The following PLAGL1 variants were observed in gnomAD, a reference collection of about 807,000 sequenced individuals.
PLAGL1 encodes the protein zinc finger protein PLAGL1.
Under a neutral mutation model 4.6 loss-of-function variants are expected in PLAGL1, and 1 was observed. The observed-to-expected ratio is 0.22, with a 90% CI of 0.08 to 1.03. The LOEUF is 1.03. PLAGL1 is among the 50% of genes least tolerant of loss of function. PLAGL1 has a pLI of 0.58. For missense variants in PLAGL1, 464 were observed against 570.4 expected (o/e 0.81, Z 1.90); for synonymous variants, 240 against 237.8 (o/e 1.01, Z -0.08).
Position 144,027,933 on chromosome 6 carries a change from C to G in PLAGL1, c.-151+36535G>C, listed in dbSNP as rs764878825. On this transcript the variant is annotated intron_variant, in intron 1 of 3. Transcript: ENST00000437412. This position sits in a 1 kb window ranked among gnomAD's most constrained non-coding sequence, Gnocchi z 5.8. ...ATTTTGATATGAGAATAAACAGATG[C>G]CTGGCAGCATTTGTTTTTGAAAAGA... Among the ~76,000 whole-genome samples, 1 of 152,080 alleles carries G rather than the reference C, an allele frequency of 6.6e-6. No individual in the cohort carries two copies. The highest frequency in any genetic ancestry group is 1.5e-5 in the Non-Finnish European group (1 of 68,024).
intron 1 of PLAGL1, among the ~76,000 whole-genome samples, chr6:144,018,277 A>C (rs550301242): frequency 6.6e-6 from 1 of 152,354 alleles, no homozygotes; most frequent in South Asian, 2.1e-4. Flanking sequence ...TAAGTCAGAC[A>C]CAAAGACAAA....
At chr6:144,052,698 G>A (rs1305701289) in intron 1 of PLAGL1, among the ~76,000 whole-genome samples, 1 of 152,082 alleles carries the variant, frequency 6.6e-6, no homozygotes, top group South Asian at 2.1e-4. Context: ...TGCTGATTAA[G>A]CACTTTTCTC....
chr6:143,952,708 G>T lies in PLAGL1; in HGVS notation c.-324-4248C>A, dbSNP rs73781334. ...AGTGCTACATAACACATCATCTAAT[G>T]GGGCACAACTGCTTTACAACATTCT... On this transcript the variant is annotated intron_variant, in intron 6 of 7. Coordinates refer to ENST00000674357, the MANE Select transcript of PLAGL1 (RefSeq NM_001317162.2). The surrounding 1 kb of genome is among the most constrained non-coding windows in gnomAD (Gnocchi z 6.1). 0.012 allele frequency among the ~76,000 whole-genome samples: 1,783 copies of T among 152,250 alleles called. 25 individuals are homozygous for T. The highest frequency in any genetic ancestry group is 0.034 in the Middle Eastern group (10 of 294).
At chr6:144,026,905 TA>T (rs1796382460) in intron 1 of PLAGL1, among the ~76,000 whole-genome samples, 2 of 152,118 alleles carry the variant, frequency 1.3e-5, no homozygotes, top group African/African-American at 4.8e-5. Flanking sequence ...AGCTCATCAA[TA>T]AAACCTAGTA....
chr6:144,062,488 AAAAAAAAC>A (rs1562625447), intron 1 of PLAGL1, among the ~76,000 whole-genome samples: 1 of 150,984 alleles, frequency 6.6e-6, no homozygotes, highest in Non-Finnish European at 1.5e-5. Flanking sequence ...AAAAAAAAAA[AAAAAAAAC>A]ACAGATTTGA....
In PLAGL1 at chr6:143,994,027, T is replaced by A. The variant is rs929905236; in HGVS notation, c.-583-8853A>T. ...GGCAAATTCTCAAATGTTCACTTCATATATGGCTAAGGAAAAAAAAAAAAA... is the reference window on the plus strand; with the variant it reads ...GGCAAATTCTCAAATGTTCACTTCAAATATGGCTAAGGAAAAAAAAAAAAA... On this transcript the variant is annotated intron_variant, in intron 1 of 7. Coordinates refer to ENST00000674357, the MANE Select transcript of PLAGL1 (RefSeq NM_001317162.2). The surrounding 1 kb of genome is among the most constrained non-coding windows in gnomAD (Gnocchi z 4.3). 5.4e-5 allele frequency among the ~76,000 whole-genome samples: 8 copies of A among 149,160 alleles called. No homozygotes were observed. The highest frequency in any genetic ancestry group is 2.0e-4 in the African/African-American group (8 of 40,416).
chr6:143,958,771 G>A lies in PLAGL1; in HGVS notation c.-325+1698C>T, dbSNP rs1354828035. Among the ~76,000 whole-genome samples, 3 of 152,130 alleles carry A rather than the reference G, an allele frequency of 2.0e-5. No individual in the cohort carries two copies. The highest frequency in any genetic ancestry group is 1.3e-4 in the Admixed American group (2 of 15,266). The stretch of plus-strand genomic sequence containing the variant: ...TCAGGTTTCCATTTTAAAAGAAAAT[G>A]GCACTGAAGAGACAAGGCAAGTTTT... On this transcript the variant is annotated intron_variant, in intron 6 of 7. Coordinates refer to ENST00000674357, the MANE Select transcript of PLAGL1 (RefSeq NM_001317162.2). The surrounding 1 kb of genome is among the most constrained non-coding windows in gnomAD (Gnocchi z 5.1).
chr6:144,040,675 G>A (rs530005781), intron 1 of PLAGL1, among the ~76,000 whole-genome samples: 1 of 152,208 alleles, frequency 6.6e-6, no homozygotes, highest in Non-Finnish European at 1.5e-5. Flanking sequence ...CCAGGAGTTC[G>A]AGACCAGTCT....
chr6:143,978,301 T>C lies in PLAGL1; in HGVS notation c.-544+6834A>G, dbSNP rs544903789. ...ATTTTAGGTTCTTTTTCTTTTCTAA[T>C]ACATCATTTAATGCTACAAATTTTG... On this transcript the variant is annotated intron_variant, in intron 2 of 7. Coordinates refer to ENST00000674357, the MANE Select transcript of PLAGL1 (RefSeq NM_001317162.2). The surrounding 1 kb of genome is among the most constrained non-coding windows in gnomAD (Gnocchi z 4.6). 6.6e-6 allele frequency among the ~76,000 whole-genome samples: 1 copy of C among 152,196 alleles called. No homozygotes were observed. Among genetic ancestry groups the C allele is most frequent in the Non-Finnish European group, 1.5e-5 (1 of 68,030 alleles).
At position 144,030,281 on chromosome 6, in the gene PLAGL1, A is replaced by AAAAAAG. The variant is rs1296064916; in HGVS notation, c.-151+34186_-151+34187insCTTTTT. On this transcript the variant is annotated intron_variant, in intron 1 of 3. Coordinates refer to the PLAGL1 transcript ENST00000437412. ...AAAAAAAAAAAAAAAAAAAAAAAAA[A>AAAAAAG]AAGAAGATGTAAATTTTAATACAAT... Among the ~76,000 whole-genome samples the AAAAAAG allele has an allele frequency of 7.4e-3, 978 of 132,830 alleles. 87 individuals are homozygous for AAAAAAG. The highest frequency in any genetic ancestry group is 0.028 in the African/African-American group (880 of 31,526). The allele number at this position is 132,830 out of a possible 152,430, so 87.1% of individuals were successfully genotyped here.
Position 143,965,917 on chromosome 6 carries a change from A to G in PLAGL1, c.-431+241T>C, listed in dbSNP as rs1011960148. The stretch of plus-strand genomic sequence containing the variant: ...GGATAGGGTGGTTGCATGGGGAGGG[A>G]TGCTAGAGAATGGAGAACGAGTTCA... On this transcript the variant is annotated intron_variant, in intron 4 of 7. Coordinates refer to ENST00000674357, the MANE Select transcript of PLAGL1 (RefSeq NM_001317162.2). The surrounding 1 kb of genome is among the most constrained non-coding windows in gnomAD (Gnocchi z 7.5). The G allele has an allele frequency of 3.9e-5, 6 of 152,300 alleles. No individual in the cohort carries two copies. The highest frequency in any genetic ancestry group is 1.4e-4 in the African/African-American group (6 of 41,540). The allele number at this position is 152,300 out of a possible 1,614,324, so 9.4% of individuals were successfully genotyped here.
Position 143,946,995 on chromosome 6 carries a change from G to A in PLAGL1, c.152+990C>T, listed in dbSNP as rs78089651. On this transcript the variant is annotated intron_variant, in intron 7 of 7. Coordinates refer to ENST00000674357, the MANE Select transcript of PLAGL1 (RefSeq NM_001317162.2). ...TGTGATATTAAAAAGATCCACTGGC[G>A]GCAGAAACGATATCTAATGTATTCA... 5.9e-3 allele frequency among the ~76,000 whole-genome samples: 902 copies of A among 152,246 alleles called. 8 individuals carry two copies. Among genetic ancestry groups the A allele is most frequent in the East Asian group, 0.014 (73 of 5,182 alleles).
At chr6:144,018,593 A>G (rs1388759795) in intron 1 of PLAGL1, among the ~76,000 whole-genome samples, 1 of 152,256 alleles carries the variant, frequency 6.6e-6, no homozygotes, top group Non-Finnish European at 1.5e-5. Context: ...GCCATTTGGC[A>G]AGGCATACAA....
Position 143,994,046 on chromosome 6 carries a change from A to T in PLAGL1, c.-583-8872T>A, listed in dbSNP as rs1791127646. The stretch of plus-strand genomic sequence containing the variant: ...ACTTCATATATGGCTAAGGAAAAAA[A>T]AAAAAAGAAAAGAACTCCCTAGGGG... On this transcript the variant is annotated intron_variant, in intron 1 of 7. Coordinates refer to ENST00000674357, the MANE Select transcript of PLAGL1 (RefSeq NM_001317162.2). The surrounding 1 kb of genome is among the most constrained non-coding windows in gnomAD (Gnocchi z 4.3). 6.6e-6 allele frequency among the ~76,000 whole-genome samples: 1 copy of T among 152,028 alleles called. No homozygotes were observed. The highest frequency in any genetic ancestry group is 2.4e-5 in the African/African-American group (1 of 41,424).
Position 143,989,270 on chromosome 6 carries a change from T to A in PLAGL1, c.-583-4096A>T, listed in dbSNP as rs150677799. Among the ~76,000 whole-genome samples, 1 of 151,858 alleles carries A rather than the reference T, an allele frequency of 6.6e-6. No individual in the cohort carries two copies. The highest frequency in any genetic ancestry group is 1.9e-4 in the East Asian group (1 of 5,162). ...GAGATGAGTTCTCATCCCTGGAGAG[T>A]GTGATATGACAGTGAATTGTGTCAA... On this transcript the variant is annotated intron_variant, in intron 1 of 7. Coordinates refer to ENST00000674357, the MANE Select transcript of PLAGL1 (RefSeq NM_001317162.2). This position sits in a 1 kb window ranked among gnomAD's most constrained non-coding sequence, Gnocchi z 4.8.
chr6:144,057,280 G>A (rs922623505), intron 1 of PLAGL1, among the ~76,000 whole-genome samples: 10 of 152,200 alleles, frequency 6.6e-5, no homozygotes, highest in Admixed American at 6.5e-5. Flanking sequence ...ATTGCAAATC[G>A]TTAATAACCA....
Position 143,954,567 on chromosome 6 carries a change from T to C in PLAGL1, c.-325+5902A>G, listed in dbSNP as rs1406931496. Among the ~76,000 whole-genome samples the C allele has an allele frequency of 2.6e-5, 4 of 152,176 alleles. No individual in the cohort carries two copies. Among genetic ancestry groups the C allele is most frequent in the Non-Finnish European group, 2.9e-5 (2 of 68,038 alleles). On this transcript the variant is annotated intron_variant, in intron 6 of 7. Transcript: ENST00000674357. The surrounding 1 kb of genome is among the most constrained non-coding windows in gnomAD (Gnocchi z 5.1). ...AATATAATCCAGAGACTAACATTCA[T>C]TGACTAAATGGTTAAAATATGTATC...
In PLAGL1 at chr6:143,965,835, T is replaced by C. The variant is rs1036062502; in HGVS notation, c.-431+323A>G. ...CAGAAAGAGACCCCACCACTTAACATGGGCAAATACCTACAGGAGGCTACT... is the reference window on the plus strand; with the variant it reads ...CAGAAAGAGACCCCACCACTTAACACGGGCAAATACCTACAGGAGGCTACT... On this transcript the variant is annotated intron_variant, in intron 4 of 7. Coordinates refer to ENST00000674357, the MANE Select transcript of PLAGL1 (RefSeq NM_001317162.2). The surrounding 1 kb of genome is among the most constrained non-coding windows in gnomAD (Gnocchi z 7.5). 8 of 152,186 alleles carry C rather than the reference T, an allele frequency of 5.3e-5. No individual in the cohort carries two copies. Among genetic ancestry groups the C allele is most frequent in the Admixed American group, 4.6e-4 (7 of 15,282 alleles). The allele number at this position is 152,186 out of a possible 1,614,324, so 9.4% of individuals were successfully genotyped here. A position where few individuals can be genotyped will look rare whatever the true frequency, so the allele number is the denominator to read the frequency against.
intron 1 of PLAGL1, among the ~76,000 whole-genome samples, chr6:144,060,066 T>TTTTTTTTTTTTG (rs1562622602): frequency 4.6e-5 from 7 of 151,520 alleles, no homozygotes; most frequent in African/African-American, 1.5e-4. Context: ...TTTTTTTTTT[T>TTTTTTTTTTTTG]AAATAGGGTC....
Sources: allele counts gnomAD v4.1 joint callset (sites outside exome capture counted in the v4.1 genomes callset), GRCh38; gene constraint gnomAD v4.1.1; non-coding constraint Gnocchi (gnomAD v3.1); transcripts MANE v1.5; gene names NCBI Gene and HGNC (gene_info 2026-07-23, HGNC 2026-07-21).